HEMK2: variants seen among roughly 807,000 people sequenced by gnomAD.
HEMK2 encodes methyltransferase HEMK2.
the HEMK2 span, among the ~76,000 whole-genome samples, chr21:28,605,013 T>A: frequency 6.6e-6 from 1 of 152,200 alleles, no homozygotes; most frequent in Non-Finnish European, 1.5e-5. Flanking sequence ...TTGAATATTG[T>A]TTTCCTCCTG....
At chr21:28,815,434 C>G in the HEMK2 span, among the ~76,000 whole-genome samples, 2 of 151,834 alleles carry the variant, frequency 1.3e-5, no homozygotes, top group African/African-American at 2.4e-5. Flanking sequence ...CTTGAAGATG[C>G]TAAGCTGGTT....
the HEMK2 span, among the ~76,000 whole-genome samples, chr21:28,831,630 G>GGAAA: frequency 6.6e-3 from 348 of 52,794 alleles, 6 homozygotes; most frequent in East Asian, 0.012. Context: ...AAGGAAAGAA[G>GGAAA]GAAGGAAAGA....
the HEMK2 span, among the ~76,000 whole-genome samples, chr21:28,679,261 C>T: frequency 6.6e-6 from 1 of 152,118 alleles, no homozygotes; most frequent in Non-Finnish European, 1.5e-5. Flanking sequence ...TCAGATAAAA[C>T]AGACTTTAAA....
chr21:28,631,087 G>A, the HEMK2 span, among the ~76,000 whole-genome samples: 4 of 152,224 alleles, frequency 2.6e-5, no homozygotes, highest in East Asian at 7.7e-4. Flanking sequence ...TGGGGTTGGG[G>A]TGCAGAGGAA....
the HEMK2 span, among the ~76,000 whole-genome samples, chr21:28,794,090 C>A: frequency 2.0e-5 from 3 of 152,018 alleles, no homozygotes; most frequent in Non-Finnish European, 4.4e-5. Flanking sequence ...CTTTTCAGTA[C>A]ACTCCTTCAG....
the HEMK2 span, among the ~76,000 whole-genome samples, chr21:28,690,630 CTA>C: frequency 6.6e-6 from 1 of 152,154 alleles, no homozygotes; most frequent in African/African-American, 2.4e-5. Context: ...GAAGCCCCCT[CTA>C]TGTGCCCCAA....
the HEMK2 span, among the ~76,000 whole-genome samples, chr21:28,712,554 C>T: frequency 6.6e-5 from 10 of 152,276 alleles, no homozygotes; most frequent in African/African-American, 1.9e-4. Context: ...TAGGATTCAG[C>T]TGGGCAGAAG....
chr21:28,783,464 C>T, the HEMK2 span, among the ~76,000 whole-genome samples: 1 of 152,232 alleles, frequency 6.6e-6, no homozygotes, highest in Admixed American at 6.5e-5. Flanking sequence ...GGATTACAGG[C>T]ATGAGCCACT....
the HEMK2 span, among the ~76,000 whole-genome samples, chr21:28,840,270 T>C: frequency 6.6e-6 from 1 of 152,090 alleles, no homozygotes; most frequent in Non-Finnish European, 1.5e-5. Flanking sequence ...TTCTAGAAGA[T>C]AACATTGGAA....
chr21:28,644,006 C>T, the HEMK2 span, among the ~76,000 whole-genome samples: 1 of 152,168 alleles, frequency 6.6e-6, no homozygotes, highest in Non-Finnish European at 1.5e-5. Flanking sequence ...AAGTTGTGTG[C>T]AACACTTACC....
the HEMK2 span, among the ~76,000 whole-genome samples, chr21:28,866,686 T>C: frequency 1.6e-4 from 24 of 151,870 alleles, no homozygotes; most frequent in Admixed American, 9.8e-4. Context: ...TGAGCCAAAA[T>C]TGCGCTACTG....
At chr21:28,646,983 G>T in the HEMK2 span, among the ~76,000 whole-genome samples, 1 of 152,168 alleles carries the variant, frequency 6.6e-6, no homozygotes, top group African/African-American at 2.4e-5. Flanking sequence ...TTAATAAGGG[G>T]TGTGGTAAAG....
At chr21:28,826,681 C>T in the HEMK2 span, among the ~76,000 whole-genome samples, 17 of 152,248 alleles carry the variant, frequency 1.1e-4, no homozygotes, top group Admixed American at 3.3e-4. Flanking sequence ...AGTACCTAAA[C>T]CATCACAAAA....
chr21:28,847,870 A>G, the HEMK2 span, among the ~76,000 whole-genome samples: 1 of 152,196 alleles, frequency 6.6e-6, no homozygotes, highest in African/African-American at 2.4e-5. Context: ...CATTTACAGA[A>G]GAGAGAGAGT....
At chr21:28,641,160 T>A in the HEMK2 span, among the ~76,000 whole-genome samples, 1 of 152,220 alleles carries the variant, frequency 6.6e-6, no homozygotes, top group Non-Finnish European at 1.5e-5. Context: ...TTCCTCACTT[T>A]CACCACAGAT....
chr21:28,791,616 C>T, the HEMK2 span, among the ~76,000 whole-genome samples: 1 of 152,114 alleles, frequency 6.6e-6, no homozygotes, highest in African/African-American at 2.4e-5. Flanking sequence ...TAAGAAATCT[C>T]TACTAGCATT....
chr21:28,831,655 G>GAAGGAAAGAAGGAAAGA, the HEMK2 span, among the ~76,000 whole-genome samples: 2 of 35,782 alleles, frequency 5.6e-5, no homozygotes, highest in East Asian at 1.0e-3. Context: ...AAGAAAGAAA[G>GAAGGAAAGAAGGAAAGA]AAAGAAAGAA....
the HEMK2 span, among the ~76,000 whole-genome samples, chr21:28,600,356 A>C: frequency 6.6e-6 from 1 of 152,222 alleles, no homozygotes; most frequent in Non-Finnish European, 1.5e-5. Flanking sequence ...GGAAGTTGCC[A>C]AGGCTTGGGG....
chr21:28,863,410 T>TCTTA, the HEMK2 span, among the ~76,000 whole-genome samples: 1 of 38,938 alleles, frequency 2.6e-5, no homozygotes, highest in East Asian at 2.5e-3. Context: ...AAACTCCCTT[T>TCTTA]TATATATATA....
Sources: allele counts gnomAD v4.1 joint callset (sites outside exome capture counted in the v4.1 genomes callset), GRCh38; gene constraint gnomAD v4.1.1; transcripts MANE v1.5; gene names NCBI Gene and HGNC (gene_info 2026-07-23, HGNC 2026-07-21).